Variants in LRP1B observed in about 807,000 individuals in gnomAD.
The protein encoded by LRP1B is low-density lipoprotein receptor-related protein 1B.
Under a neutral mutation model 556.6 loss-of-function variants are expected in LRP1B, and 217 were observed. That is an observed-to-expected ratio of 0.39 (90% CI 0.35 to 0.44). LRP1B has a LOEUF of 0.44. LRP1B is among the 20% of genes least tolerant of loss of function. The pLI is 1.00. For synonymous variants in LRP1B, 2,047 were observed against 1,865.8 expected (o/e 1.10, Z -2.50); for missense variants, 5,053 against 5,620.8 (o/e 0.90, Z 3.23).
intron 1 of LRP1B, among the ~76,000 whole-genome samples, chr2:141,831,283 A>G (rs1697104168): frequency 6.6e-6 from 1 of 151,806 alleles, no homozygotes; most frequent in Non-Finnish European, 1.5e-5. Flanking sequence ...ATAAGATGAC[A>G]AAAGTTCTTA....
chr2:140,448,169 T>G (rs964451589), intron 63 of LRP1B, among the ~76,000 whole-genome samples: 1 of 152,120 alleles, frequency 6.6e-6, no homozygotes, highest in Non-Finnish European at 1.5e-5. Context: ...ACAAGATTGA[T>G]GCAGCCTTGT....
rs1045746601 is a variant in LRP1B, at chr2:141,966,516, G to A, written c.83-156115C>T. 4.6e-5 allele frequency among the ~76,000 whole-genome samples: 7 copies of A among 151,934 alleles called. No individual in the cohort carries two copies. In the East Asian group the frequency reaches 7.8e-4, roughly 17 times the overall value. Reference sequence around the variant, plus strand: ...CAGCAGGGGCCAGCCAGCTCCTGCAGCATCTAATAGACAATGGTGCAGATT... The same window carrying A: ...CAGCAGGGGCCAGCCAGCTCCTGCAACATCTAATAGACAATGGTGCAGATT... On this transcript the variant is annotated intron_variant, in intron 1 of 90. Coordinates refer to ENST00000389484, the MANE Select transcript of LRP1B (RefSeq NM_018557.3).
intron 1 of LRP1B, among the ~76,000 whole-genome samples, chr2:141,879,826 G>A (rs986586026): frequency 6.6e-6 from 1 of 151,964 alleles, no homozygotes; most frequent in African/African-American, 2.4e-5. Flanking sequence ...AACTTAAAAT[G>A]AATATTTTTA....
chr2:140,991,986 G>C (rs1414432977), intron 16 of LRP1B, among the ~76,000 whole-genome samples: 1 of 152,054 alleles, frequency 6.6e-6, no homozygotes, highest in Non-Finnish European at 1.5e-5. Flanking sequence ...TGCAGTTATT[G>C]AAATTAAAAG....
At chr2:141,170,639 CTTCT>C (rs1218505257) in intron 7 of LRP1B, among the ~76,000 whole-genome samples, 1 of 152,074 alleles carries the variant, frequency 6.6e-6, no homozygotes, top group African/African-American at 2.4e-5. Context: ...CATGGGGAGA[CTTCT>C]TTCTTCTATC....
intron 1 of LRP1B, among the ~76,000 whole-genome samples, chr2:142,084,014 C>T (rs144479032): frequency 0.011 from 1,624 of 145,330 alleles, 24 homozygotes; most frequent in African/African-American, 0.039. Context: ...GAGTCTCATT[C>T]TGTCTCCCAG....
At chr2:141,871,657 A>G (rs1453943761) in intron 1 of LRP1B, among the ~76,000 whole-genome samples, 1 of 152,018 alleles carries the variant, frequency 6.6e-6, no homozygotes, top group Non-Finnish European at 1.5e-5. Context: ...GTTGAATGCT[A>G]AATTGTATAA....
chr2:141,385,976 C>T (rs907921540), intron 3 of LRP1B, among the ~76,000 whole-genome samples: 7 of 152,078 alleles, frequency 4.6e-5, no homozygotes, highest in Non-Finnish European at 4.4e-5. Context: ...AAAATGATTG[C>T]TTATCAGTAG....
At chr2:141,655,048 G>A (rs1009885297) in intron 2 of LRP1B, among the ~76,000 whole-genome samples, 2 of 152,140 alleles carry the variant, frequency 1.3e-5, no homozygotes, top group Non-Finnish European at 2.9e-5. Context: ...AAATATAGAA[G>A]TGTTTTGTGG....
chr2:141,634,214 A>G (rs1425575571), intron 2 of LRP1B, among the ~76,000 whole-genome samples: 1 of 151,980 alleles, frequency 6.6e-6, no homozygotes, highest in African/African-American at 2.4e-5. Context: ...CTTAAAACAT[A>G]TTGTTCTCTT....
At chr2:141,442,807 C>A (rs927091677) in intron 3 of LRP1B, among the ~76,000 whole-genome samples, 2 of 152,008 alleles carry the variant, frequency 1.3e-5, no homozygotes, top group South Asian at 2.1e-4. Flanking sequence ...TATGTGCCAC[C>A]TTTTCTTTAT....
intron 70 of LRP1B, among the ~76,000 whole-genome samples, 165 bp from the exon 71 acceptor site, chr2:140,371,007 T>C (rs1379462056): frequency 2.0e-5 from 3 of 152,100 alleles, no homozygotes; most frequent in Non-Finnish European, 4.4e-5. Flanking sequence ...AGCTTTAGTA[T>C]ATGGACAGCA....
intron 55 of LRP1B, 96 bp from the exon 56 acceptor site, chr2:140,495,844 A>T: frequency 1.1e-6 from 1 of 927,796 alleles, no homozygotes; most frequent in Non-Finnish European, 1.6e-6. Flanking sequence ...AAGCATTTGA[A>T]AATAGATAAA....
chr2:140,313,267 TATTA>T (rs1245063487), intron 83 of LRP1B, among the ~76,000 whole-genome samples: 2 of 151,952 alleles, frequency 1.3e-5, no homozygotes, highest in Non-Finnish European at 2.9e-5. Context: ...AACTAATTTA[TATTA>T]TTTAAAAATA....
intron 43 of LRP1B, among the ~76,000 whole-genome samples, chr2:140,583,399 C>T (rs114913660): frequency 0.066 from 10,088 of 151,920 alleles, 402 homozygotes; most frequent in Middle Eastern, 0.11. Context: ...TTGTCTTGAA[C>T]GCTTGGCTTC....
intron 37 of LRP1B, among the ~76,000 whole-genome samples, chr2:140,709,929 T>C (rs1052312821): frequency 1.3e-5 from 2 of 151,810 alleles, no homozygotes; most frequent in African/African-American, 4.8e-5. Context: ...CATACATCTC[T>C]AATATTTCCA....
chr2:141,475,753 T>C lies in LRP1B; in HGVS notation c.343+4643A>G, dbSNP rs575014808. On this transcript the variant is annotated intron_variant, in intron 3 of 90. Transcript: ENST00000389484. ...CGGAGCATCTGAATGTCGAGAGAAG[T>C]TCGGTTGGGGATGGTCAGAGAGGAG... 6.1e-5 allele frequency among the ~76,000 whole-genome samples: 9 copies of C among 148,306 alleles called. No homozygotes were observed. In the East Asian group the frequency reaches 1.8e-3, roughly 29 times the overall value.
rs181780336 is a variant in LRP1B at position 141,342,117 on chromosome 2, G to A, written c.344-87476C>T. Among the ~76,000 whole-genome samples, 6 of 151,340 alleles carry A rather than the reference G, an allele frequency of 4.0e-5. No homozygotes were observed. In the East Asian group the frequency reaches 1.2e-3, roughly 30 times the overall value. Reference sequence around the variant, plus strand: ...AAATTAGCCAGGAGTGGTGGTGGGCGCCTGTAGTCCTAGCTACTTGGGAGG... The same window carrying A: ...AAATTAGCCAGGAGTGGTGGTGGGCACCTGTAGTCCTAGCTACTTGGGAGG... On this transcript the variant is annotated intron_variant, in intron 3 of 90. Transcript: ENST00000389484.
rs1489721852 is a variant in LRP1B at position 140,350,994 on chromosome 2, G to T, written c.11695C>A (p.Leu3899Met). ...VLYIANDTDI[L>M]GFIYPFNYSG... ...TAGTTGAATGGATATATAAAACCCA[G>T]GATATCAGTGTCATTAGCAATGTAG... Residue 3899 changes from leucine to methionine, a missense_variant, in exon 77 of 91, where the codon CTG becomes ATG. Transcript: ENST00000389484. The T allele has an allele frequency of 6.2e-7, 1 of 1,601,238 alleles. No individual in the cohort carries two copies. Among genetic ancestry groups the T allele is most frequent in the South Asian group, 1.1e-5 (1 of 90,454 alleles).
Sources: allele counts gnomAD v4.1 joint callset (sites outside exome capture counted in the v4.1 genomes callset), GRCh38; gene constraint gnomAD v4.1.1; transcripts MANE v1.5; gene names NCBI Gene and HGNC (gene_info 2026-07-23, HGNC 2026-07-21).